The following RILPL1 variants were observed in gnomAD, a reference collection of about 807,000 sequenced individuals.
RILPL1 encodes the protein Rab interacting lysosomal protein like 1.
A neutral mutation model predicts 50.3 loss-of-function variants in RILPL1; 33 were observed. The observed-to-expected ratio is 0.66, with a 90% CI of 0.50 to 0.88. The LOEUF (loss-of-function observed/expected upper bound fraction) is 0.88, where lower values mean the gene tolerates loss of function less well. Among genes scored for constraint, RILPL1 ranks in the 40% least tolerant of loss-of-function variants. The pLI is 0.00. For synonymous variants in RILPL1, 205 were observed against 228.6 expected (o/e 0.90, Z 0.93); for missense variants, 418 against 542.5 (o/e 0.77, Z 2.28).
chr12:123,501,228 G>A (rs1883360270), intron 2 of RILPL1, among the ~76,000 whole-genome samples: 1 of 152,074 alleles, frequency 6.6e-6, no homozygotes, highest in Non-Finnish European at 1.5e-5. Context: ...GCTGAGGCTA[G>A]GAGTCTGAGA....
rs750123587 is a variant in RILPL1 at position 123,475,783 on chromosome 12, G to A, written c.1068-3101C>T. On this transcript the variant is annotated intron_variant, in intron 6 of 6. Coordinates refer to ENST00000376874, the MANE Select transcript of RILPL1 (RefSeq NM_178314.5). ...GAGAAGTACAGATAGACACAGAGAA[G>A]ATAAAAACGGGAGGCATGAAAAAGA... 6.5e-6 allele frequency: 9 copies of A among 1,379,352 alleles called. No individual in the cohort carries two copies. In the African/African-American group the frequency reaches 7.1e-5, roughly 11 times the overall value. 85.4% of individuals were successfully genotyped at this position (1,379,352 alleles called of 1,614,324 possible).
At chr12:123,500,509 T>C (rs146889591) in intron 2 of RILPL1, among the ~76,000 whole-genome samples, 4,374 of 150,716 alleles carry the variant, frequency 0.029, 78 homozygotes, top group Non-Finnish European at 0.045. Flanking sequence ...GGTCTCAAAC[T>C]CCTGACTTCA....
At position 123,491,919 on chromosome 12, in the gene RILPL1, A is replaced by G. The variant is rs565057073; in HGVS notation, c.802-6114T>C. Reference sequence around the variant, plus strand: ...CTACTCGGGAGGCTGAGGCACAAGAATTGCTTGAACCCAGGAGGCGGAGGT... The same window carrying G: ...CTACTCGGGAGGCTGAGGCACAAGAGTTGCTTGAACCCAGGAGGCGGAGGT... On this transcript the variant is annotated intron_variant, in intron 4 of 6. Transcript: ENST00000376874. This position sits in a 1 kb window ranked among gnomAD's most constrained non-coding sequence, Gnocchi z 4.0. Among the ~76,000 whole-genome samples the G allele has an allele frequency of 7.9e-5, 12 of 152,172 alleles. 2 individuals are homozygous for G. The South Asian group carries it at 2.5e-3, about 32-fold the overall frequency.
rs555681204 is a variant in RILPL1 at position 123,523,757 on chromosome 12, C to T, written c.310-112G>A. On this transcript the variant is annotated intron_variant, in intron 1 of 6. Transcript: ENST00000376874. ...GCTGGGACTTTGGGCCATCCCCTTC[C>T]TCGTGAGAACTGGGCCGGCAAGGCC... 1.1e-4 allele frequency: 135 copies of T among 1,251,596 alleles called. No homozygotes were observed. The African/African-American group carries it at 1.8e-3, about 17-fold the overall frequency. The allele number at this position is 1,251,596 out of a possible 1,614,324, so 77.5% of individuals were successfully genotyped here.
chr12:123,515,360 G>C (rs1884624278), intron 2 of RILPL1: 1 of 151,910 alleles, frequency 6.6e-6, no homozygotes, highest in South Asian at 2.1e-4. Context: ...GCAGTGCAGT[G>C]GGGGTGAAGC....
intron 4 of RILPL1, among the ~76,000 whole-genome samples, chr12:123,493,751 G>T (rs997443488): frequency 6.6e-6 from 1 of 150,802 alleles, no homozygotes; most frequent in African/African-American, 2.4e-5. Flanking sequence ...GACCCGGCCC[G>T]ATGCCTTCAA....
chr12:123,482,769 A>T (rs1882081976), intron 6 of RILPL1, among the ~76,000 whole-genome samples: 1 of 151,386 alleles, frequency 6.6e-6, no homozygotes. Flanking sequence ...TACCCAGCTA[A>T]TTTTTGTATT....
intron 6 of RILPL1, among the ~76,000 whole-genome samples, chr12:123,478,768 C>G (rs1881768501): frequency 6.6e-6 from 1 of 152,176 alleles, no homozygotes; most frequent in African/African-American, 2.4e-5. Context: ...CCCCGCCCTG[C>G]AAAAGGCAAC....
At position 123,472,492 on chromosome 12, in the gene RILPL1, C is replaced by T. The variant is rs775648935; in HGVS notation, c.*46G>A. 12 of 1,546,910 alleles carry T rather than the reference C, an allele frequency of 7.8e-6. No individual in the cohort carries two copies. The highest frequency in any genetic ancestry group is 2.7e-5 in the African/African-American group (2 of 72,890). ...CCCTGGGCTGCAGTTCGGTTGCAGG[C>T]GCTGGTGGCGGGCAGTCCAGGTTGG... is the stretch of plus-strand genomic sequence containing the variant. On this transcript the variant is annotated 3_prime_UTR_variant, in exon 7 of 7. Coordinates refer to ENST00000376874, the MANE Select transcript of RILPL1 (RefSeq NM_178314.5).
chr12:123,520,066 G>T (rs1884940626), intron 2 of RILPL1, among the ~76,000 whole-genome samples: 1 of 152,170 alleles, frequency 6.6e-6, no homozygotes, highest in South Asian at 2.1e-4. Flanking sequence ...TTTCCCTATG[G>T]CCCAGCAATT....
intron 1 of RILPL1, among the ~76,000 whole-genome samples, chr12:123,526,429 G>A (rs1290798359): frequency 2.6e-5 from 4 of 152,340 alleles, no homozygotes; most frequent in African/African-American, 9.6e-5. Context: ...TGACCTTGGC[G>A]AGTTATTCAG....
chr12:123,494,580 A>G (rs1348177048), intron 4 of RILPL1, among the ~76,000 whole-genome samples: 1 of 152,188 alleles, frequency 6.6e-6, no homozygotes, highest in African/African-American at 2.4e-5. Flanking sequence ...CTGCCTGGCC[A>G]GGAGACCAGC....
At chr12:123,526,942 G>A (rs1383466458) in intron 1 of RILPL1, among the ~76,000 whole-genome samples, 3 of 152,166 alleles carry the variant, frequency 2.0e-5, no homozygotes, top group African/African-American at 7.2e-5. Flanking sequence ...ACTGGCTGGG[G>A]CAGGGAGAAT....
At chr12:123,488,680 G>A (rs964532048) in intron 4 of RILPL1, among the ~76,000 whole-genome samples, 1 of 152,184 alleles carries the variant, frequency 6.6e-6, no homozygotes, top group Non-Finnish European at 1.5e-5. Context: ...GCCACACACA[G>A]CAGGCCCAGG....
At chr12:123,513,393 G>C (rs542656595) in intron 2 of RILPL1, 74 of 375,822 alleles carry the variant, frequency 2.0e-4, no homozygotes, top group African/African-American at 1.5e-3. Context: ...TTGGCTCCCC[G>C]AGAGGTGGGC....
chr12:123,532,512 T>C (rs528247634), intron 1 of RILPL1, among the ~76,000 whole-genome samples: 1 of 152,284 alleles, frequency 6.6e-6, no homozygotes, highest in South Asian at 2.1e-4. Context: ...TCGGTTTCTT[T>C]ATCTGTAAAA....
At position 123,498,849 on chromosome 12, in the gene RILPL1, G is replaced by C; in HGVS notation, c.580-84C>G. On this transcript the variant is annotated intron_variant, in intron 3 of 6. Transcript: ENST00000376874. The surrounding 1 kb of genome is among the most constrained non-coding windows in gnomAD (Gnocchi z 4.3). ...ACTGCACAACGGCAAACCATCCATA[G>C]GTGTGCCATTTACATTGCAGACATC... The C allele has an allele frequency of 1.6e-6, 2 of 1,283,624 alleles. No homozygotes were observed. The highest frequency in any genetic ancestry group is 2.2e-6 in the Non-Finnish European group (2 of 895,242). 79.5% of individuals were successfully genotyped at this position (1,283,624 alleles called of 1,614,324 possible). A position where few individuals can be genotyped will look rare whatever the true frequency, so the allele number is the denominator to read the frequency against.
At chr12:123,478,290 C>A (rs1881735417) in intron 6 of RILPL1, among the ~76,000 whole-genome samples, 2 of 152,018 alleles carry the variant, frequency 1.3e-5, no homozygotes, top group Admixed American at 1.3e-4. Flanking sequence ...CATGAACCAC[C>A]GCGCCTGGCC....
intron 2 of RILPL1, among the ~76,000 whole-genome samples, chr12:123,519,149 C>G (rs938521420): frequency 7.3e-5 from 11 of 151,402 alleles, no homozygotes; most frequent in Non-Finnish European, 1.6e-4. Flanking sequence ...AATGACTTCT[C>G]TTTTGTTGCA....
Sources: allele counts gnomAD v4.1 joint callset (sites outside exome capture counted in the v4.1 genomes callset), GRCh38; gene constraint gnomAD v4.1.1; non-coding constraint Gnocchi (gnomAD v3.1); transcripts MANE v1.5; gene names NCBI Gene and HGNC (gene_info 2026-07-23, HGNC 2026-07-21).